The following MARK3 variants were observed in gnomAD, a reference collection of about 807,000 sequenced individuals.
MARK3 encodes the protein MAP/microtubule affinity-regulating kinase 3.
MARK3 carries 46 observed loss-of-function variants against 90.1 expected under a neutral mutation model. The observed-to-expected ratio is 0.51, with a 90% CI of 0.40 to 0.65. The LOEUF is 0.65. Among genes scored for constraint, MARK3 ranks in the 30% least tolerant of loss-of-function variants. The pLI is 0.00. For missense variants in MARK3, 818 were observed against 947.2 expected, an observed-to-expected ratio of 0.86 and a Z score of 1.79; for synonymous variants, 321 against 332.6, an observed-to-expected ratio of 0.97 and a Z score of 0.38.
intron 1 of MARK3, among the ~76,000 whole-genome samples, chr14:103,386,807 A>G (rs1404760929): frequency 6.6e-6 from 1 of 152,184 alleles, no homozygotes; most frequent in Non-Finnish European, 1.5e-5. Flanking sequence ...ATTGGCTTAG[A>G]TGAGCTCTTA....
Position 103,405,208 on chromosome 14 carries a change from A to G in MARK3, c.184A>G (p.Ile62Val), listed in dbSNP as rs981054895. ...CGGAAACTACAGACTGTTGAAAACA[A>G]TCGGCAAGGGGAATTTTGCAAAAGT... is the stretch of plus-strand genomic sequence containing the variant. ...HIGNYRLLKTIGKGNFAKVKL... is the reference protein window; with the variant it reads ...HIGNYRLLKTVGKGNFAKVKL... Residue 62 changes from isoleucine to valine, a missense_variant, in exon 2 of 18, where the codon ATC becomes GTC. Transcript: ENST00000429436. The G allele has an allele frequency of 5.7e-6, 9 of 1,585,772 alleles. 1 individual carries two copies. In the African/African-American group the frequency reaches 6.8e-5, roughly 12 times the overall value.
chr14:103,487,328 AT>A (rs79278454), intron 14 of MARK3, among the ~76,000 whole-genome samples: 7 of 149,620 alleles, frequency 4.7e-5, no homozygotes, highest in East Asian at 2.0e-4. Flanking sequence ...TCTCTACAAA[AT>A]TTTTTTTTTT....
Position 103,394,907 on chromosome 14 carries a change from C to T in MARK3, c.51+8827C>T, listed in dbSNP as rs534281066. On this transcript the variant is annotated intron_variant, in intron 1 of 17. Coordinates refer to ENST00000429436, the MANE Select transcript of MARK3 (RefSeq NM_001128918.3). ...AAGTGATTGTCCTGCCTCAGCCTCC[C>T]GAGTAGCTGGGATTACAGGCACCCG... Among the ~76,000 whole-genome samples, 16 of 152,160 alleles carry T rather than the reference C, an allele frequency of 1.1e-4. No homozygotes were observed. The South Asian group carries it at 1.9e-3, about 18-fold the overall frequency.
rs575740605 is a variant in MARK3 at position 103,412,530 on chromosome 14, G to A, written c.243+7263G>A. On this transcript the variant is annotated intron_variant, in intron 2 of 17. Coordinates refer to ENST00000429436, the MANE Select transcript of MARK3 (RefSeq NM_001128918.3). ...TCAGTGTCCACTTGGGGGGATATCC[G>A]TGGCCTTGGTCTCGTCACAGTGCTG... is the stretch of plus-strand genomic sequence containing the variant. 9.3e-5 allele frequency: 51 copies of A among 547,198 alleles called. 1 individual carries two copies. The highest frequency in any genetic ancestry group is 7.1e-4 in the African/African-American group (37 of 51,916). The allele number at this position is 547,198 out of a possible 1,614,324, so 33.9% of individuals were successfully genotyped here.
intron 7 of MARK3, 68 bp downstream of exon 7, chr14:103,462,529 C>T: frequency 1.7e-6 from 2 of 1,194,774 alleles, no homozygotes; most frequent in Non-Finnish European, 2.4e-6. Context: ...GTGGTCATTA[C>T]ACAAATGAGG....
chr14:103,479,007 A>T (rs2093769788), intron 13 of MARK3, among the ~76,000 whole-genome samples: 1 of 152,152 alleles, frequency 6.6e-6, no homozygotes, highest in Non-Finnish European at 1.5e-5. Context: ...TGTGGACTTA[A>T]ATGTTTTAAT....
intron 3 of MARK3, among the ~76,000 whole-genome samples, chr14:103,442,951 C>A (rs1375869404): frequency 6.7e-6 from 1 of 148,802 alleles, no homozygotes. Flanking sequence ...GTCCCCCCCC[C>A]TCCCACCGAC....
intron 7 of MARK3, among the ~76,000 whole-genome samples, chr14:103,464,289 CTTTTTTTTTTTTTTT>C (rs143005949): frequency 4.4e-5 from 3 of 68,636 alleles, no homozygotes; most frequent in African/African-American, 1.8e-4. Flanking sequence ...TGATTTGTCT[CTTTTTTTTTTTTTTT>C]TTTTTTTTTT....
chr14:103,443,879 G>A (rs1723303776), intron 3 of MARK3, among the ~76,000 whole-genome samples: 1 of 152,026 alleles, frequency 6.6e-6, no homozygotes, highest in Non-Finnish European at 1.5e-5. Flanking sequence ...TTCCATTTAG[G>A]TGCTGTGGTA....
At chr14:103,402,098 C>T (rs1434765783) in intron 1 of MARK3, among the ~76,000 whole-genome samples, 1 of 152,122 alleles carries the variant, frequency 6.6e-6, no homozygotes. Context: ...ATGTGTTAGG[C>T]ACTGTTTCAG....
rs773982503 is a variant in MARK3, at chr14:103,451,996, T to A, written c.412+13T>A. 5 of 1,579,342 alleles carry A rather than the reference T, an allele frequency of 3.2e-6. No homozygotes were observed. The highest frequency in any genetic ancestry group is 4.3e-6 in the Non-Finnish European group (5 of 1,151,712). Reference sequence around the variant, plus strand: ...TATGCAAGTGGAGGTAAGAACATTTTTATATATATTGGGTTTTTTTTCTTT... The same window carrying A: ...TATGCAAGTGGAGGTAAGAACATTTATATATATATTGGGTTTTTTTTCTTT... On this transcript the variant is annotated intron_variant, in intron 5 of 17. Transcript: ENST00000429436.
At chr14:103,434,284 C>T (rs924239658) in intron 3 of MARK3, among the ~76,000 whole-genome samples, 7 of 152,150 alleles carry the variant, frequency 4.6e-5, no homozygotes, top group African/African-American at 1.2e-4. Flanking sequence ...CTCTACCATA[C>T]CCAAATCGCA....
At chr14:103,481,853 G>A (rs1159154910) in intron 14 of MARK3, among the ~76,000 whole-genome samples, 25 of 123,306 alleles carry the variant, frequency 2.0e-4, no homozygotes, top group Non-Finnish European at 3.2e-4. Context: ...TGCAAGCTCC[G>A]CCTCCCGGGT....
rs113381571 is a variant in MARK3, at chr14:103,431,976, T to TC, written c.297+3542dup. 7.8e-3 allele frequency among the ~76,000 whole-genome samples: 1,158 copies of TC among 147,686 alleles called. 9 individuals are homozygous for TC. Among genetic ancestry groups the TC allele is most frequent in the African/African-American group, 0.023 (864 of 38,308 alleles). ...ACTTTATTCCATACTTGGAATTGTTTCCCCCCTCCCACCTGAATTTGTTTG... is the reference window on the plus strand; with the variant it reads ...ACTTTATTCCATACTTGGAATTGTTTCCCCCCCTCCCACCTGAATTTGTTTG... On this transcript the variant is annotated intron_variant, in intron 3 of 17. Coordinates refer to ENST00000429436, the MANE Select transcript of MARK3 (RefSeq NM_001128918.3).
intron 3 of MARK3, among the ~76,000 whole-genome samples, chr14:103,433,088 C>CTTT (rs371171878): frequency 0.16 from 18,802 of 115,682 alleles, 2,017 homozygotes; most frequent in Non-Finnish European, 0.24. Flanking sequence ...CTTTTCTTTT[C>CTTT]TTTTCTTTTT....
chr14:103,459,683 T>G (rs1034402918), intron 6 of MARK3, among the ~76,000 whole-genome samples: 4 of 151,146 alleles, frequency 2.6e-5, no homozygotes, highest in South Asian at 4.2e-4. Context: ...ATTTTTTTTT[T>G]TGTAATTTTA....
At chr14:103,423,582 A>G (rs534792075) in intron 2 of MARK3, among the ~76,000 whole-genome samples, 1 of 152,250 alleles carries the variant, frequency 6.6e-6, no homozygotes, top group Non-Finnish European at 1.5e-5. Flanking sequence ...AGGCACTGCA[A>G]TCGGGGATAC....
intron 1 of MARK3, among the ~76,000 whole-genome samples, chr14:103,393,846 G>A (rs902424975): frequency 2.7e-5 from 4 of 150,564 alleles, no homozygotes; most frequent in Admixed American, 1.3e-4. Context: ...TGCAACCTCC[G>A]CCTGCCAGCC....
chr14:103,389,236 C>T (rs1013989550), intron 1 of MARK3, among the ~76,000 whole-genome samples: 3 of 151,452 alleles, frequency 2.0e-5, no homozygotes, highest in Non-Finnish European at 4.4e-5. Context: ...TGGTGGCAGG[C>T]ACCTGTAGTC....
Sources: allele counts gnomAD v4.1 joint callset (sites outside exome capture counted in the v4.1 genomes callset), GRCh38; gene constraint gnomAD v4.1.1; transcripts MANE v1.5; gene names NCBI Gene and HGNC (gene_info 2026-07-23, HGNC 2026-07-21).